The following HLA-DQA1 variants were observed in gnomAD, a reference collection of about 807,000 sequenced individuals.
HLA-DQA1 encodes HLA class II histocompatibility antigen, DQ alpha 1 chain.
In HLA-DQA1, 10 loss-of-function variants were observed where a neutral mutation model predicts 20.7. That is an observed-to-expected ratio of 0.48 (90% CI 0.30 to 0.82). The LOEUF (loss-of-function observed/expected upper bound fraction) is 0.82. HLA-DQA1 is among the 40% of genes least tolerant of loss of function. HLA-DQA1 has a pLI of 0.07. For missense variants in HLA-DQA1, 127 were observed against 293.0 expected (o/e 0.43, Z 4.14); for synonymous variants, 39 against 109.2 (o/e 0.36, Z 4.01).
chr6:32,641,110 A>G (rs28383433), intron 1 of HLA-DQA1, among the ~76,000 whole-genome samples, 200 bp from the exon 2 acceptor site: 9,860 of 83,606 alleles, frequency 0.12, 1,414 homozygotes, highest in Non-Finnish European at 0.15. Context: ...AGCGCACACT[A>G]GAGTGGGAAA....
chr6:32,651,595 A>AAAAAAAAAAAAAAAAAAAAAAAAAAG (rs1782191734), downstream of HLA-DQA1, among the ~76,000 whole-genome samples: 1 of 84,684 alleles, frequency 1.2e-5, no homozygotes, highest in African/African-American at 4.0e-5. Context: ...AAGCAAAAAA[A>AAAAAAAAAAAAAAAAAAAAAAAAAAG]AAAAAAAAAA....
downstream of HLA-DQA1, chr6:32,645,631 T>C (rs1781848090): frequency 8.6e-6 from 1 of 116,752 alleles, no homozygotes; most frequent in African/African-American, 3.0e-5. Context: ...GCTCAGTTTT[T>C]CTGTGAACCT....
chr6:32,638,202 AT>A (rs1401554711), intron 1 of HLA-DQA1, among the ~76,000 whole-genome samples: 5 of 106,826 alleles, frequency 4.7e-5, no homozygotes, highest in African/African-American at 3.3e-5. Flanking sequence ...ATGAATGTCA[AT>A]TTTTTTTACA....
At chr6:32,647,239 G>A (rs1255347406), downstream of HLA-DQA1, among the ~76,000 whole-genome samples, 1 of 43,514 alleles carries the variant, frequency 2.3e-5, no homozygotes, top group Non-Finnish European at 5.3e-5. Flanking sequence ...AGGCCAAGGC[G>A]GGCAGAACGC....
At chr6:32,649,302 T>TA (rs1295030901), downstream of HLA-DQA1, among the ~76,000 whole-genome samples, 2 of 96,824 alleles carry the variant, frequency 2.1e-5, 1 homozygote, top group Non-Finnish European at 4.6e-5. Flanking sequence ...CACATGGAAC[T>TA]AAAAAAGAGC....
At chr6:32,639,210 T>G (rs41268940) in intron 1 of HLA-DQA1, 28,973 of 145,870 alleles carry the variant, frequency 0.2, 7,125 homozygotes, top group East Asian at 0.34. Flanking sequence ...GGACCCTCCA[T>G]ACTGTAAAGC....
downstream of HLA-DQA1, among the ~76,000 whole-genome samples, chr6:32,647,974 CAT>C (rs1782042973): frequency 6.6e-6 from 1 of 151,292 alleles, no homozygotes; most frequent in Admixed American, 6.6e-5. Flanking sequence ...ATTCCACAAA[CAT>C]GTAATTACAA....
chr6:32,643,199 A>C lies in HLA-DQA1; in HGVS notation c.*268A>C, dbSNP rs9492. The stretch of plus-strand genomic sequence containing the variant: ...CATGCCTGGGGTAAGCCACCCGGCT[A>C]CCTAATTCCTCAGTAACCTCCATCT... On this transcript the variant is annotated 3_prime_UTR_variant, in exon 5 of 5. Transcript: ENST00000343139. 0.14 allele frequency: 49,236 copies of C among 348,590 alleles called. 14,226 individuals are homozygous for C. Among genetic ancestry groups the C allele is most frequent in the South Asian group, 0.35 (16,237 of 46,484 alleles). 21.6% of individuals were successfully genotyped at this position (348,590 alleles called of 1,614,324 possible).
intron 3 of HLA-DQA1, 74 bp from the exon 4 acceptor site, chr6:32,642,536 C>G (rs77179964): frequency 0.094 from 117,143 of 1,247,720 alleles, 16,703 homozygotes; most frequent in South Asian, 0.23. Flanking sequence ...AGCCAACCCT[C>G]TACCCCATCC....
downstream of HLA-DQA1, among the ~76,000 whole-genome samples, chr6:32,651,801 A>C (rs28715762): frequency 0.12 from 10,791 of 92,948 alleles, 3,853 homozygotes; most frequent in African/African-American, 0.16. Context: ...GGTATTCATC[A>C]AAATTAATAC....
rs1561945724 is a variant in HLA-DQA1 at position 32,641,519 on chromosome 6, A to G, written c.292A>G (p.Ile98Val). 8 of 1,021,168 alleles carry G rather than the reference A, an allele frequency of 7.8e-6. 3 individuals carry two copies. 63.3% of individuals were successfully genotyped at this position (1,021,168 alleles called of 1,614,324 possible). A position where few individuals can be genotyped will look rare whatever the true frequency, so the allele number is the denominator to read the frequency against. The change falls in exon 2 of 5, where the codon ATC becomes GTC. Residue 98 changes from isoleucine to valine, a missense_variant. Ile to Val is a conservative substitution (Grantham distance 29). Transcript: ENST00000343139. ...NMAVAKHNLN[I>V]MIKRYNSTAA... is the part of the protein sequence containing the mutation. ...GGCTGTGGCAAAACACAACTTGAAC[A>G]TCATGATTAAACGCTACAACTCTAC... is the stretch of plus-strand genomic sequence containing the variant.
At chr6:32,647,001 G>A (rs912701763), downstream of HLA-DQA1, 2 of 101,320 alleles carry the variant, frequency 2.0e-5, no homozygotes, top group Admixed American at 1.2e-4. Flanking sequence ...TAATGAGATT[G>A]CTGTTATGTT....
At position 32,637,532 on chromosome 6, in the gene HLA-DQA1, A is replaced by G. The variant is rs12722042; in HGVS notation, c.74A>G (p.Asp25Gly). The G allele has an allele frequency of 0.06, 68,383 of 1,136,544 alleles. 15,150 individuals are homozygous for G. The highest frequency in any genetic ancestry group is 0.19 in the South Asian group (13,794 of 73,730). The allele number at this position is 1,136,544 out of a possible 1,614,324, so 70.4% of individuals were successfully genotyped here. A position where few individuals can be genotyped will look rare whatever the true frequency, so the allele number is the denominator to read the frequency against. The change falls in exon 1 of 5, where the codon GAC becomes GGC. Residue 25 changes from aspartate (D) to glycine (G), a missense_variant. Asp to Gly is a moderately conservative substitution (Grantham distance 94, BLOSUM62 -1). Transcript: ENST00000343139. Reference sequence around the variant, plus strand: ...GTGATGAGCCCCTGTGGAGGTGAAGACATTGTGGGTGAGTGCATGAGTGAG... The same window carrying G: ...GTGATGAGCCCCTGTGGAGGTGAAGGCATTGTGGGTGAGTGCATGAGTGAG... ...TTVMSPCGGE[D>G]IVADHVASCG...
downstream of HLA-DQA1, chr6:32,646,983 TAGTGTGGTAA>T (rs1488191410): frequency 7.9e-6 from 1 of 126,246 alleles, no homozygotes; most frequent in African/African-American, 2.9e-5. Flanking sequence ...TATCTAATTT[TAGTGTGGTAA>T]TGAGATTGCT....
rs1276853914 is a variant in HLA-DQA1, at chr6:32,637,808, C to T, written c.82+268C>T. Reference sequence around the variant, plus strand: ...CCTGGAGGTCTCTATGTCGTTCCATCATGATTGCCTCAAAAATTAGTGAGG... The same window carrying T: ...CCTGGAGGTCTCTATGTCGTTCCATTATGATTGCCTCAAAAATTAGTGAGG... On this transcript the variant is annotated intron_variant, in intron 1 of 4. Coordinates refer to ENST00000343139, the MANE Select transcript of HLA-DQA1 (RefSeq NM_002122.5). Among the ~76,000 whole-genome samples the T allele has an allele frequency of 2.5e-5, 3 of 117,874 alleles. 1 individual carries two copies. The highest frequency in any genetic ancestry group is 9.4e-5 in the African/African-American group (3 of 31,972). The allele number at this position is 117,874 out of a possible 152,430, so 77.3% of individuals were successfully genotyped here.
chr6:32,641,282 CT>C, intron 1 of HLA-DQA1, 27 bp from the exon 2 acceptor site: 1 of 1,243,424 alleles, frequency 8.0e-7, no homozygotes. Flanking sequence ...TGTTCTCCGC[CT>C]TCCTGCTTGT....
chr6:32,639,082 T>C lies in HLA-DQA1; in HGVS notation c.82+1542T>C, dbSNP rs191517186. 394 of 246,970 alleles carry C rather than the reference T, an allele frequency of 1.6e-3. 1 individual carries two copies. Among genetic ancestry groups the C allele is most frequent in the Admixed American group, 3.7e-3 (65 of 17,408 alleles). 15.3% of individuals were successfully genotyped at this position (246,970 alleles called of 1,614,324 possible). ...ATGATTTTGTTCGGCAGTGGAAGTT[T>C]CACCTGCTTCTCCAGAGCGCTTGGC... On this transcript the variant is annotated intron_variant, in intron 1 of 4. Transcript: ENST00000343139.
chr6:32,654,973 C>CA, the HLA-DQA1 span, among the ~76,000 whole-genome samples: 20,118 of 55,320 alleles, frequency 0.36, 7,404 homozygotes, highest in Middle Eastern at 0.43. Flanking sequence ...GCGGAGGTTG[C>CA]AGTGAGTGGA....
chr6:32,638,581 G>A lies in HLA-DQA1; in HGVS notation c.82+1041G>A, dbSNP rs557177282. Among the ~76,000 whole-genome samples the A allele has an allele frequency of 3.0e-5, 3 of 100,320 alleles. 1 individual carries two copies. Among genetic ancestry groups the A allele is most frequent in the African/African-American group, 1.1e-4 (3 of 28,464 alleles). 65.8% of individuals were successfully genotyped at this position (100,320 alleles called of 152,430 possible). A position where few individuals can be genotyped will look rare whatever the true frequency, so the allele number is the denominator to read the frequency against. ...GGTGCCAGCTACTCAGAAGGCTGCC[G>A]TGGGAGGACCACTTGAGTCCATGAG... On this transcript the variant is annotated intron_variant, in intron 1 of 4. Coordinates refer to ENST00000343139, the MANE Select transcript of HLA-DQA1 (RefSeq NM_002122.5).
Sources: gnomAD v4.1 joint callset for allele counts (sites outside exome capture counted in the v4.1 genomes callset) on GRCh38, gnomAD v4.1.1 for gene constraint, MANE v1.5 for transcripts, NCBI Gene and HGNC (gene_info 2026-07-23, HGNC 2026-07-21) for gene names.